SMYD4: variants seen among roughly 807,000 people sequenced by gnomAD.
SMYD4 encodes SET and MYND domain containing 4, also known as protein-lysine N-methyltransferase SMYD4.
In SMYD4, 68 loss-of-function variants were observed where a neutral mutation model predicts 72.8. That is an observed-to-expected ratio of 0.93 (90% CI 0.77 to 1.14). SMYD4 has a LOEUF of 1.14. Among genes scored for constraint, SMYD4 ranks in the 50% most tolerant of loss-of-function variants. SMYD4 has a pLI of 0.00. For missense variants in SMYD4, 984 were observed against 1,003.7 expected (o/e 0.98, Z 0.27); for synonymous variants, 407 against 388.6 (o/e 1.05, Z -0.56).
chr17:1,803,942 C>G (rs547519363), intron 4 of SMYD4, among the ~76,000 whole-genome samples: 1 of 149,658 alleles, frequency 6.7e-6, no homozygotes, highest in South Asian at 2.1e-4. Context: ...GTGGTGCGAT[C>G]TGGGCTCACT....
chr17:1,809,580 T>C (rs1910218788), intron 3 of SMYD4, among the ~76,000 whole-genome samples: 1 of 150,840 alleles, frequency 6.6e-6, no homozygotes, highest in African/African-American at 2.4e-5. Context: ...TTTCACCATG[T>C]TGGTCAGGCT....
In SMYD4 at chr17:1,800,551, T is replaced by C; in HGVS notation, c.843A>G (p.Leu281=). The part of the protein sequence containing the change: ...PGELPPPHHG[L]DSKWDTRVTN... ...TGACTCTGGTGTCCCATTTGCTGTC[T>C]AGGCCGTGATGCGGTGGTGGCAGTT... is the stretch of plus-strand genomic sequence containing the variant. The change falls in exon 5 of 11, where the codon CTA becomes CTG. Residue 281 remains leucine, a synonymous_variant. Coordinates refer to ENST00000305513, the MANE Select transcript of SMYD4 (RefSeq NM_052928.3). 1 of 1,614,226 alleles carries C rather than the reference T, an allele frequency of 6.2e-7. No individual in the cohort carries two copies. Among genetic ancestry groups the C allele is most frequent in the Non-Finnish European group, 8.5e-7 (1 of 1,180,038 alleles).
At chr17:1,783,754 G>A (rs989538776) in intron 8 of SMYD4, 15 of 492,404 alleles carry the variant, frequency 3.0e-5, no homozygotes, top group African/African-American at 5.9e-5. Context: ...TTTCACGTAC[G>A]GCCATGATTT....
At chr17:1,821,088 G>A (rs1910862642) in intron 2 of SMYD4, among the ~76,000 whole-genome samples, 1 of 152,172 alleles carries the variant, frequency 6.6e-6, no homozygotes, top group African/African-American at 2.4e-5. Context: ...GAAAGGAAAT[G>A]TAATTCAAAG....
intron 1 of SMYD4, among the ~76,000 whole-genome samples, chr17:1,829,166 G>T (rs1169220144): frequency 1.3e-5 from 2 of 152,126 alleles, no homozygotes; most frequent in African/African-American, 4.8e-5. Context: ...AGCATACCAG[G>T]AAGCCCAGGA....
At chr17:1,818,979 T>A (rs548241271) in intron 2 of SMYD4, among the ~76,000 whole-genome samples, 122 of 152,162 alleles carry the variant, frequency 8.0e-4, no homozygotes, top group African/African-American at 2.8e-3. Flanking sequence ...TAATTTTTTT[T>A]AAAGATTCAA....
At chr17:1,814,419 A>G (rs1188436969) in intron 2 of SMYD4, 1 of 152,250 alleles carries the variant, frequency 6.6e-6, no homozygotes, top group East Asian at 1.9e-4. Context: ...ACTCAGTATA[A>G]TGCTTTTGTG....
At chr17:1,809,181 C>T (rs111473137) in intron 3 of SMYD4, among the ~76,000 whole-genome samples, 36 of 151,496 alleles carry the variant, frequency 2.4e-4, no homozygotes, top group African/African-American at 8.2e-4. Flanking sequence ...CCAGCCTACC[C>T]TTCAAATTTA....
chr17:1,813,095 C>T (rs1394660959), intron 2 of SMYD4, among the ~76,000 whole-genome samples: 10 of 152,288 alleles, frequency 6.6e-5, no homozygotes, highest in Admixed American at 3.3e-4. Flanking sequence ...TGCACCACCA[C>T]GTTCAGCCAA....
intron 2 of SMYD4, among the ~76,000 whole-genome samples, chr17:1,825,348 A>G (rs1368908981): frequency 6.6e-6 from 1 of 152,192 alleles, no homozygotes; most frequent in East Asian, 1.9e-4. Flanking sequence ...TTATACCTCA[A>G]TAAAGATGGA....
intron 3 of SMYD4, among the ~76,000 whole-genome samples, chr17:1,808,286 G>GT (rs1229666419): frequency 1.6e-4 from 25 of 152,108 alleles, no homozygotes; most frequent in African/African-American, 6.0e-4. Context: ...TAAGCCAGCC[G>GT]TAAAGAACCA....
At chr17:1,783,808 C>A in intron 8 of SMYD4, 1 of 383,314 alleles carries the variant, frequency 2.6e-6, no homozygotes, top group Non-Finnish European at 4.8e-6. Flanking sequence ...TTTCATAAAG[C>A]AGGGTAAATA....
intron 7 of SMYD4, among the ~76,000 whole-genome samples, chr17:1,786,493 C>T (rs1426957471): frequency 1.3e-5 from 2 of 152,290 alleles, no homozygotes; most frequent in South Asian, 2.1e-4. Flanking sequence ...GGATAATAGG[C>T]ATGTGTCACT....
intron 3 of SMYD4, among the ~76,000 whole-genome samples, chr17:1,810,197 G>A (rs1407713298): frequency 6.6e-6 from 1 of 152,186 alleles, no homozygotes; most frequent in Non-Finnish European, 1.5e-5. Context: ...GGGCAAGGCA[G>A]GCGAGGGGCC....
At position 1,800,036 on chromosome 17, in the gene SMYD4, T is replaced by G. The variant is rs1157859768; in HGVS notation, c.1358A>C (p.Gln453Pro). The change falls in exon 5 of 11, where the codon CAG becomes CCG. Residue 453 changes from glutamine (Q) to proline (P), a missense_variant. Transcript: ENST00000305513. ...GGCCTGTAAACTGGCTGCTTCTAGC[T>G]GTCTGCACAGTGCAGAAACACAGAG... ...CALCVSALCR[Q>P]LEAASLQAIP... 3.1e-6 allele frequency: 5 copies of G among 1,613,936 alleles called. No homozygotes were observed. The highest frequency in any genetic ancestry group is 4.2e-6 in the Non-Finnish European group (5 of 1,179,820).
chr17:1,809,070 C>A (rs976385550), intron 3 of SMYD4, among the ~76,000 whole-genome samples: 5 of 152,164 alleles, frequency 3.3e-5, no homozygotes, highest in Admixed American at 2.6e-4. Flanking sequence ...AGAGACAGGG[C>A]CTCGCTGTGT....
At chr17:1,784,239 C>A in intron 8 of SMYD4, 87 bp downstream of exon 8, 1 of 1,572,620 alleles carries the variant, frequency 6.4e-7, no homozygotes. Flanking sequence ...ATTCTCCCAT[C>A]AGTACTGAGT....
At chr17:1,804,018 G>T (rs1243097915) in intron 4 of SMYD4, among the ~76,000 whole-genome samples, 1 of 151,550 alleles carries the variant, frequency 6.6e-6, no homozygotes, top group East Asian at 1.9e-4. Context: ...TGGGACTACA[G>T]GTGCCTGCCA....
At chr17:1,823,257 G>C (rs7214024) in intron 2 of SMYD4, among the ~76,000 whole-genome samples, 18,083 of 150,752 alleles carry the variant, frequency 0.12, 1,319 homozygotes, top group African/African-American at 0.19. Flanking sequence ...AGCTGGGCGT[G>C]GTGGCAGGCG....
Sources: gnomAD v4.1 joint callset for allele counts (sites outside exome capture counted in the v4.1 genomes callset) on GRCh38, gnomAD v4.1.1 for gene constraint, MANE v1.5 for transcripts, NCBI Gene and HGNC (gene_info 2026-07-23, HGNC 2026-07-21) for gene names.